The following RYR2 variants were observed in gnomAD, a reference collection of about 807,000 sequenced individuals.
RYR2 encodes the protein cardiac muscle ryanodine receptor-calcium release channel.
In RYR2, 227 loss-of-function variants were observed where a neutral mutation model predicts 601.1. That is an observed-to-expected ratio of 0.38 (90% CI 0.34 to 0.42). The LOEUF (loss-of-function observed/expected upper bound fraction) is 0.42. Among genes scored for constraint, RYR2 ranks in the 10% least tolerant of loss-of-function variants. The pLI, the probability that RYR2 is intolerant of heterozygous loss-of-function variation, is 1.00. For synonymous variants in RYR2, 2,223 were observed against 2,175.1 expected, an observed-to-expected ratio of 1.02 and a Z score of -0.61; for missense variants, 4,646 against 6,156.5, an observed-to-expected ratio of 0.75 and a Z score of 8.21.
chr1:237,275,092 GCACACA>G (rs111310759), intron 2 of RYR2, among the ~76,000 whole-genome samples: 4 of 144,650 alleles, frequency 2.8e-5, no homozygotes, highest in South Asian at 4.4e-4. Context: ...ACACATACAC[GCACACA>G]CACACACACA....
intron 8 of RYR2, among the ~76,000 whole-genome samples, chr1:237,378,233 G>T (rs1267555352): frequency 3.3e-5 from 5 of 152,118 alleles, no homozygotes; most frequent in Non-Finnish European, 7.3e-5. Flanking sequence ...CCTCCCACCG[G>T]GTCCCTCCCA....
intron 2 of RYR2, among the ~76,000 whole-genome samples, chr1:237,297,852 GTGATTCTCCCACC>G (rs1448551796): frequency 6.6e-6 from 1 of 151,564 alleles, no homozygotes; most frequent in African/African-American, 2.4e-5. Context: ...CCAAGCACAG[GTGATTCTCCCACC>G]TGAGCCTCCC....
intron 96 of RYR2, 123 bp from the exon 97 acceptor site, chr1:237,797,914 T>A (rs1659448334): frequency 1.1e-6 from 1 of 882,146 alleles, no homozygotes; most frequent in African/African-American, 1.7e-5. Context: ...ACACACTAGA[T>A]TTTAAGTGAT....
At chr1:237,049,305 A>AG (rs1195240919) in intron 1 of RYR2, among the ~76,000 whole-genome samples, 1 of 152,192 alleles carries the variant, frequency 6.6e-6, no homozygotes, top group East Asian at 1.9e-4. Context: ...GGTGACTTCC[A>AG]GGGGCACTGT....
chr1:237,278,907 G>C (rs554847361), intron 2 of RYR2, among the ~76,000 whole-genome samples: 4 of 152,254 alleles, frequency 2.6e-5, no homozygotes, highest in African/African-American at 7.2e-5. Context: ...TGATTAAGTG[G>C]AATAACTGCC....
At chr1:237,650,620 CA>C (rs1220090124) in intron 50 of RYR2, among the ~76,000 whole-genome samples, 2 of 152,090 alleles carry the variant, frequency 1.3e-5, no homozygotes, top group African/African-American at 4.8e-5. Context: ...CAATGAAAAC[CA>C]GAAACGTATC....
chr1:237,308,343 G>C (rs1222111091), intron 2 of RYR2, among the ~76,000 whole-genome samples: 1 of 152,088 alleles, frequency 6.6e-6, no homozygotes, highest in Non-Finnish European at 1.5e-5. Context: ...CTTACTTTCA[G>C]GAACGTCCTA....
chr1:237,505,059 G>T (rs78651349), intron 22 of RYR2, among the ~76,000 whole-genome samples: 1,533 of 152,238 alleles, frequency 0.01, 31 homozygotes, highest in African/African-American at 0.033. Flanking sequence ...ATATTTAGCT[G>T]ACTTTTATCT....
chr1:237,387,884 G>A (rs530261910), intron 9 of RYR2, among the ~76,000 whole-genome samples: 3 of 152,274 alleles, frequency 2.0e-5, no homozygotes, highest in South Asian at 4.1e-4. Flanking sequence ...CTTTTAGTGG[G>A]AATATCCCTA....
intron 1 of RYR2, among the ~76,000 whole-genome samples, chr1:237,102,876 A>G (rs1668269917): frequency 1.3e-5 from 2 of 152,196 alleles, no homozygotes; most frequent in African/African-American, 4.8e-5. Context: ...ATAATTTGAT[A>G]GAGAAAATTT....
intron 18 of RYR2, 64 bp downstream of exon 18, chr1:237,491,988 C>G: frequency 1.3e-6 from 1 of 763,602 alleles, no homozygotes. Flanking sequence ...TTTTTAAATA[C>G]AATAACTTTT....
intron 8 of RYR2, among the ~76,000 whole-genome samples, chr1:237,384,266 T>C (rs1701796103): frequency 6.6e-6 from 1 of 152,246 alleles, no homozygotes. Flanking sequence ...AGATATGATT[T>C]GGAAATTGCC....
intron 10 of RYR2, among the ~76,000 whole-genome samples, chr1:237,389,803 C>T (rs749218109): frequency 1.3e-5 from 2 of 152,114 alleles, no homozygotes; most frequent in Non-Finnish European, 2.9e-5. Flanking sequence ...ATTGGGATGT[C>T]TGAGTCTTTA....
chr1:237,281,324 A>T (rs186558879), intron 2 of RYR2, among the ~76,000 whole-genome samples: 1 of 152,308 alleles, frequency 6.6e-6, no homozygotes, highest in Non-Finnish European at 1.5e-5. Flanking sequence ...GGAAATTTTT[A>T]AAAGATTTTA....
intron 1 of RYR2, among the ~76,000 whole-genome samples, chr1:237,193,881 T>C (rs1383977755): frequency 6.6e-6 from 1 of 152,238 alleles, no homozygotes; most frequent in Non-Finnish European, 1.5e-5. Context: ...CTCACTGCAT[T>C]TCTAATAGTT....
chr1:237,793,862 T>G lies in RYR2; in HGVS notation c.13783-5T>G. On this transcript the variant is annotated splice_region_variant and splice_polypyrimidine_tract_variant and intron_variant, in intron 94 of 104. Transcript: ENST00000366574. ...AATTTTAACGTATTTATTTTTCCTATGTAGGTCCCATTGGTTATTTTTAAG... is the reference window on the plus strand; with the variant it reads ...AATTTTAACGTATTTATTTTTCCTAGGTAGGTCCCATTGGTTATTTTTAAG... 6.2e-7 allele frequency: 1 copy of G among 1,601,496 alleles called. No individual in the cohort carries two copies. Among genetic ancestry groups the G allele is most frequent in the Non-Finnish European group, 8.6e-7 (1 of 1,169,334 alleles).
chr1:237,179,228 T>A (rs1678423594), intron 1 of RYR2, among the ~76,000 whole-genome samples: 1 of 152,176 alleles, frequency 6.6e-6, no homozygotes, highest in South Asian at 2.1e-4. Flanking sequence ...TTCAGAAATA[T>A]TTCAGATATG....
At chr1:237,606,434 C>A (rs1436669755) in intron 35 of RYR2, among the ~76,000 whole-genome samples, 1 of 152,214 alleles carries the variant, frequency 6.6e-6, no homozygotes, top group Non-Finnish European at 1.5e-5. Context: ...GGATTAAAGA[C>A]TTAAATGTTC....
At chr1:237,307,860 A>C (rs546088821) in intron 2 of RYR2, among the ~76,000 whole-genome samples, 2 of 152,366 alleles carry the variant, frequency 1.3e-5, no homozygotes, top group African/African-American at 4.8e-5. Context: ...TACAATAACA[A>C]CATTGTGCAA....
Sources: gnomAD v4.1 joint callset for allele counts (sites outside exome capture counted in the v4.1 genomes callset) on GRCh38, gnomAD v4.1.1 for gene constraint, MANE v1.5 for transcripts, NCBI Gene and HGNC (gene_info 2026-07-23, HGNC 2026-07-21) for gene names.